Variants in TMEM39B observed in about 807,000 individuals in gnomAD.
The protein encoded by TMEM39B is transmembrane protein 39B.
Under a neutral mutation model 52.2 loss-of-function variants are expected in TMEM39B, and 23 were observed. The ratio of observed to expected loss-of-function variants is 0.44; its 90% confidence interval spans 0.32 to 0.62. TMEM39B has a LOEUF of 0.62. TMEM39B is among the 20% of genes least tolerant of loss of function. The pLI, the probability that TMEM39B is intolerant of heterozygous loss-of-function variation, is 0.06. For synonymous variants in TMEM39B, 285 were observed against 264.0 expected, an observed-to-expected ratio of 1.08 and a Z score of -0.77; for missense variants, 547 against 642.0, an observed-to-expected ratio of 0.85 and a Z score of 1.60.
chr1:32,078,833 G>T (rs1284607862), intron 5 of TMEM39B, among the ~76,000 whole-genome samples: 3 of 151,998 alleles, frequency 2.0e-5, no homozygotes, highest in Admixed American at 1.3e-4. Context: ...TAGAGTTGGG[G>T]TTTCATCATG....
intron 1 of TMEM39B, among the ~76,000 whole-genome samples, chr1:32,074,618 A>G (rs1354478807): frequency 6.6e-6 from 1 of 152,056 alleles, no homozygotes; most frequent in Admixed American, 6.6e-5. Flanking sequence ...TTGGAGAGAG[A>G]GTGATGGGGA....
chr1:32,094,645 G>C, intron 6 of TMEM39B, 139 bp from the exon 7 acceptor site: 1 of 938,960 alleles, frequency 1.1e-6, no homozygotes, highest in Non-Finnish European at 1.6e-6. Flanking sequence ...TGTTTGTTGG[G>C]TGTTTGATTC....
chr1:32,086,400 A>G (rs1182403081), intron 5 of TMEM39B, among the ~76,000 whole-genome samples: 1 of 152,144 alleles, frequency 6.6e-6, no homozygotes, highest in African/African-American at 2.4e-5. Flanking sequence ...AGCACATGAA[A>G]TAGGGTAGTC....
intron 5 of TMEM39B, among the ~76,000 whole-genome samples, chr1:32,082,938 C>A (rs947790107): frequency 6.6e-6 from 1 of 151,634 alleles, no homozygotes; most frequent in Admixed American, 6.6e-5. Flanking sequence ...CCACGCCTGG[C>A]TAGTTTTTTG....
intron 5 of TMEM39B, among the ~76,000 whole-genome samples, chr1:32,079,088 G>T (rs1383109643): frequency 6.6e-6 from 1 of 151,844 alleles, no homozygotes; most frequent in African/African-American, 2.4e-5. Flanking sequence ...TAGAGATGAG[G>T]GTCTTGCTGT....
chr1:32,076,741 C>G (rs774165898), intron 3 of TMEM39B, 22 bp from the exon 4 acceptor site: 1 of 1,613,778 alleles, frequency 6.2e-7, no homozygotes, highest in South Asian at 1.1e-5. Context: ...CACATGACCC[C>G]CAGGCCTCTG....
intron 8 of TMEM39B, 190 bp downstream of exon 8, chr1:32,100,752 A>C: frequency 5.5e-6 from 4 of 728,806 alleles, no homozygotes; most frequent in Non-Finnish European, 8.9e-6. Context: ...TCGGCCGGGC[A>C]TGGTGGCTCA....
At position 32,098,504 on chromosome 1, in the gene TMEM39B, G is replaced by A. The variant is rs191623110; in HGVS notation, c.1116-1938G>A. Among the ~76,000 whole-genome samples, 244 of 151,602 alleles carry A rather than the reference G, an allele frequency of 1.6e-3. 1 individual carries two copies. Among genetic ancestry groups the A allele is most frequent in the Non-Finnish European group, 2.6e-3 (177 of 67,808 alleles). On this transcript the variant is annotated intron_variant, in intron 7 of 8. Coordinates refer to ENST00000336294, the MANE Select transcript of TMEM39B (RefSeq NM_018056.4). ...TCCCAGCACTTTGGGAGGCCAAGGC[G>A]GGCGGATCACGAGGTCAGGAGATCG...
chr1:32,077,567 T>C (rs577612897), intron 5 of TMEM39B, among the ~76,000 whole-genome samples: 1 of 152,270 alleles, frequency 6.6e-6, no homozygotes, highest in East Asian at 1.9e-4. Context: ...CAGATCTGCA[T>C]ATATATCCCA....
chr1:32,102,811 T>C lies in TMEM39B; in HGVS notation c.*138T>C. On this transcript the variant is annotated 3_prime_UTR_variant, in exon 9 of 9. Transcript: ENST00000336294. ...AGCTTTGTATTTTTGTTACGTACTG[T>C]TTCTTTGATAATTGATGTGATAAGG... 1 of 1,012,144 alleles carries C rather than the reference T, an allele frequency of 9.9e-7. No homozygotes were observed. Among genetic ancestry groups the C allele is most frequent in the Non-Finnish European group, 1.3e-6 (1 of 754,352 alleles). 62.7% of individuals were successfully genotyped at this position (1,012,144 alleles called of 1,614,324 possible).
At chr1:32,100,353 A>C (rs1296807830) in intron 7 of TMEM39B, 89 bp from the exon 8 acceptor site, 9 of 1,401,786 alleles carry the variant, frequency 6.4e-6, no homozygotes, top group Non-Finnish European at 8.6e-6. Flanking sequence ...ATGGGAGTAG[A>C]GCCCTGGTGA....
chr1:32,077,904 T>G lies in TMEM39B; in HGVS notation c.590+586T>G, dbSNP rs959416412. 2.0e-5 allele frequency among the ~76,000 whole-genome samples: 3 copies of G among 152,318 alleles called. No individual in the cohort carries two copies. The East Asian group carries it at 5.8e-4, about 29-fold the overall frequency. On this transcript the variant is annotated intron_variant, in intron 5 of 8. Coordinates refer to ENST00000336294, the MANE Select transcript of TMEM39B (RefSeq NM_018056.4). ...GATTGTTGAGGATGGAGAGACTGTT[T>G]CGGGGATGTGCCCAGGACTGCCCAT...
At chr1:32,082,650 T>C (rs1640154463) in intron 5 of TMEM39B, among the ~76,000 whole-genome samples, 1 of 151,812 alleles carries the variant, frequency 6.6e-6, no homozygotes. Flanking sequence ...GAGATGGGGT[T>C]TCGCCATGTT....
At chr1:32,078,137 C>G (rs978751618) in intron 5 of TMEM39B, among the ~76,000 whole-genome samples, 1 of 152,152 alleles carries the variant, frequency 6.6e-6, no homozygotes, top group Non-Finnish European at 1.5e-5. Flanking sequence ...CAAAAAGGCA[C>G]TGGCATGGGA....
In TMEM39B at chr1:32,072,965, T is replaced by G. The variant is rs1203173671; in HGVS notation, c.-83T>G. On this transcript the variant is annotated 5_prime_UTR_variant, in exon 1 of 9. Coordinates refer to ENST00000336294, the MANE Select transcript of TMEM39B (RefSeq NM_018056.4). The stretch of plus-strand genomic sequence containing the variant: ...ATACCCGGGACTGGGCTGCGGCGGT[T>G]AGTCCTCTCCCGGCCGCCGTCGCCT... The G allele has an allele frequency of 6.0e-5, 90 of 1,509,684 alleles. No homozygotes were observed. The highest frequency in any genetic ancestry group is 7.8e-5 in the Non-Finnish European group (88 of 1,121,942). 93.5% of individuals were successfully genotyped at this position (1,509,684 alleles called of 1,614,324 possible). A position where few individuals can be genotyped will look rare whatever the true frequency, so the allele number is the denominator to read the frequency against.
intron 3 of TMEM39B, 95 bp from the exon 4 acceptor site, chr1:32,076,668 C>T (rs1451694411): frequency 8.0e-7 from 1 of 1,255,532 alleles, no homozygotes; most frequent in South Asian, 1.2e-5. Context: ...AGGACAGTCT[C>T]TGTGGAAAGA....
chr1:32,074,826 T>C (rs1639783635), intron 1 of TMEM39B, 125 bp from the exon 2 acceptor site: 1 of 1,241,428 alleles, frequency 8.1e-7, no homozygotes, highest in Non-Finnish European at 1.1e-6. Context: ...AGGGGCCAGA[T>C]CATAGGTCTC....
chr1:32,073,322 G>C (rs56173950), intron 1 of TMEM39B: 5,517 of 484,872 alleles, frequency 0.011, 64 homozygotes, highest in Non-Finnish European at 0.015. Context: ...GGCTAGAAAG[G>C]GGGGCGGGAC....
intron 5 of TMEM39B, among the ~76,000 whole-genome samples, chr1:32,085,725 T>G (rs1016284474): frequency 1.3e-5 from 2 of 150,134 alleles, no homozygotes; most frequent in Non-Finnish European, 2.9e-5. Context: ...CACTCCAGCC[T>G]GGGCAACAGA....
Sources: allele counts gnomAD v4.1 joint callset (sites outside exome capture counted in the v4.1 genomes callset), GRCh38; gene constraint gnomAD v4.1.1; transcripts MANE v1.5; gene names NCBI Gene and HGNC (gene_info 2026-07-23, HGNC 2026-07-21).